JPH1: variants seen among roughly 807,000 people sequenced by gnomAD.
JPH1 encodes junctophilin-1.
JPH1 carries 12 observed loss-of-function variants against 53.6 expected under a neutral mutation model. The observed-to-expected ratio is 0.22, with a 90% CI of 0.14 to 0.36. The LOEUF (loss-of-function observed/expected upper bound fraction) is 0.36. Among genes scored for constraint, JPH1 ranks in the 10% least tolerant of loss-of-function variants. The pLI, the probability that JPH1 is intolerant of heterozygous loss-of-function variation, is 1.00. For missense variants in JPH1, 808 were observed against 905.5 expected (o/e 0.89, Z 1.38); for synonymous variants, 375 against 363.8 (o/e 1.03, Z -0.35).
Position 74,320,673 on chromosome 8 carries a change from G to A in JPH1, c.379+236C>T, listed in dbSNP as rs1337837641. ...GTACATTCACGCCTAGCTCCCCTGA[G>A]TGTGGATACACGGCCCGCTCCAAGA... On this transcript the variant is annotated intron_variant, in intron 1 of 5. Transcript: ENST00000342232. The surrounding 1 kb of genome is among the most constrained non-coding windows in gnomAD (Gnocchi z 4.4). Among the ~76,000 whole-genome samples, 1 of 152,180 alleles carries A rather than the reference G, an allele frequency of 6.6e-6. No homozygotes were observed. Among genetic ancestry groups the A allele is most frequent in the Non-Finnish European group, 1.5e-5 (1 of 68,020 alleles).
At position 74,245,032 on chromosome 8, in the gene JPH1, C is replaced by T; in HGVS notation, c.1402G>A (p.Ala468Thr). 1.2e-6 allele frequency: 2 copies of T among 1,613,846 alleles called. No homozygotes were observed. Among genetic ancestry groups the T allele is most frequent in the Non-Finnish European group, 1.7e-6 (2 of 1,179,972 alleles). The change falls in exon 4 of 6, where the codon GCA (alanine) becomes ACA (threonine). Residue 468 changes from alanine (A) to threonine (T), a missense_variant. Ala to Thr is a moderately conservative substitution (Grantham distance 58). Around this residue, in one of 2 missense-constraint regions of JPH1, gnomAD observed 756 missense variants for 811.9 expected, o/e 0.93. Transcript: ENST00000342232. The stretch of plus-strand genomic sequence containing the variant: ...GGAGAGTGGCTGTGTTTGGGACTTG[C>T]CTCAGGAGATCTTGGGGGTGTCGTG... ...KGTTPPRSPE[A>T]SPKHSHSPAS...
rs79604758 is a variant in JPH1 at position 74,269,248 on chromosome 8, G to A, written c.1140-9745C>T. On this transcript the variant is annotated intron_variant, in intron 2 of 5. Coordinates refer to ENST00000342232, the MANE Select transcript of JPH1 (RefSeq NM_020647.4). ...TATGAACATGAACTTGCTTGGGACT[G>A]TGCCCAAAACCATTGCGCATCTTAA... Among the ~76,000 whole-genome samples, 800 of 152,326 alleles carry A rather than the reference G, an allele frequency of 5.3e-3. 6 individuals are homozygous for A. Among genetic ancestry groups the A allele is most frequent in the Non-Finnish European group, 9.5e-3 (644 of 68,030 alleles).
At chr8:74,292,587 C>T (rs1211027837) in intron 2 of JPH1, among the ~76,000 whole-genome samples, 1 of 152,158 alleles carries the variant, frequency 6.6e-6, no homozygotes, top group Non-Finnish European at 1.5e-5. Context: ...AACAGACACA[C>T]TTACAAACGG....
rs764956170 is a variant in JPH1, at chr8:74,321,282, C to T, written c.6G>A (p.Thr2=). Residue 2 remains threonine, a synonymous_variant, in exon 1 of 6, where the codon ACG becomes ACA. Coordinates refer to ENST00000342232, the MANE Select transcript of JPH1 (RefSeq NM_020647.4). This position sits in a 1 kb window ranked among gnomAD's most constrained non-coding sequence, Gnocchi z 4.3. M[T]GGRFDFDDGG... is the part of the protein sequence containing the mutation. ...CATCGTCGAAGTCGAACCTTCCGCC[C>T]GTCATTCGGGGGGCAGCCCCGGCGC... The T allele has an allele frequency of 1.3e-6, 2 of 1,573,598 alleles. No individual in the cohort carries two copies. The highest frequency in any genetic ancestry group is 1.8e-5 in the Admixed American group (1 of 56,114).
intron 2 of JPH1, among the ~76,000 whole-genome samples, chr8:74,265,521 T>C (rs1167173074): frequency 6.6e-6 from 1 of 152,234 alleles, no homozygotes; most frequent in Non-Finnish European, 1.5e-5. Context: ...CCTTCTCATG[T>C]TATTTATGGG....
At chr8:74,308,971 T>TTTTTA (rs1390926795) in intron 2 of JPH1, among the ~76,000 whole-genome samples, 4 of 152,240 alleles carry the variant, frequency 2.6e-5, no homozygotes, top group Admixed American at 6.5e-5. Flanking sequence ...TTTAAAATCC[T>TTTTTA]ACAGGAAAAG....
chr8:74,273,383 T>C (rs1304280219), intron 2 of JPH1, among the ~76,000 whole-genome samples: 1 of 152,194 alleles, frequency 6.6e-6, no homozygotes, highest in Non-Finnish European at 1.5e-5. Flanking sequence ...TTAACTGAAT[T>C]CTTCTTATCC....
In JPH1 at chr8:74,321,283, G is replaced by C; in HGVS notation, c.5C>G (p.Thr2Arg). MTGGRFDFDDGG... is the reference protein window; with the variant it reads MRGGRFDFDDGG... ...ATCGTCGAAGTCGAACCTTCCGCCC[G>C]TCATTCGGGGGGCAGCCCCGGCGCG... Residue 2 changes from threonine to arginine, a missense_variant, in exon 1 of 6, where the codon ACG becomes AGG. By Grantham distance (71) the Thr-to-Arg change is moderately conservative (BLOSUM62 -1). This residue lies in a region of JPH1 where 52 missense variants were observed against 93.6 expected (regional missense o/e 0.56). Transcript: ENST00000342232. The surrounding 1 kb of genome is among the most constrained non-coding windows in gnomAD (Gnocchi z 4.3). The C allele has an allele frequency of 6.4e-7, 1 of 1,570,860 alleles. No homozygotes were observed. The highest frequency in any genetic ancestry group is 8.6e-7 in the Non-Finnish European group (1 of 1,158,460).
At chr8:74,314,577 A>G (rs142247243) in intron 2 of JPH1, among the ~76,000 whole-genome samples, 1 of 152,348 alleles carries the variant, frequency 6.6e-6, no homozygotes, top group East Asian at 1.9e-4. Context: ...AGATGAGCAC[A>G]GGGTCTCAGT....
intron 2 of JPH1, among the ~76,000 whole-genome samples, chr8:74,305,998 GT>G (rs369752719): frequency 1.3e-5 from 2 of 150,844 alleles, no homozygotes; most frequent in Non-Finnish European, 2.9e-5. Context: ...TGGAGAAAGA[GT>G]TTTTTTTGTT....
intron 2 of JPH1, among the ~76,000 whole-genome samples, chr8:74,311,178 G>C (rs1363487216): frequency 6.6e-6 from 1 of 152,214 alleles, no homozygotes; most frequent in East Asian, 1.9e-4. Context: ...CTGAATAGTT[G>C]ATAACTATTC....
At chr8:74,297,583 A>C (rs1563416110) in intron 2 of JPH1, among the ~76,000 whole-genome samples, 1 of 152,166 alleles carries the variant, frequency 6.6e-6, no homozygotes, top group Non-Finnish European at 1.5e-5. Flanking sequence ...ACAGCCCCAG[A>C]CCACTGCATT....
chr8:74,307,953 G>T (rs1807886443), intron 2 of JPH1, among the ~76,000 whole-genome samples: 1 of 152,146 alleles, frequency 6.6e-6, no homozygotes, highest in Admixed American at 6.5e-5. Context: ...TTGACTCATA[G>T]TTGACTTTGG....
At chr8:74,285,534 T>C (rs67460729) in intron 2 of JPH1, among the ~76,000 whole-genome samples, 67,433 of 151,850 alleles carry the variant, frequency 0.44, 16,553 homozygotes, top group African/African-American at 0.67. Flanking sequence ...GCTTTAAAAA[T>C]CAATATTTCC....
intron 1 of JPH1, among the ~76,000 whole-genome samples, chr8:74,319,872 C>A (rs916027204): frequency 1.3e-5 from 2 of 152,200 alleles, no homozygotes; most frequent in African/African-American, 4.8e-5. Flanking sequence ...TCTTTCTCAG[C>A]GTATTACACA....
chr8:74,287,406 C>T (rs555606579), intron 2 of JPH1, among the ~76,000 whole-genome samples: 2 of 148,782 alleles, frequency 1.3e-5, no homozygotes, highest in African/African-American at 5.0e-5. Context: ...GGCAACAGAG[C>T]GAGACTCTGT....
intron 2 of JPH1, among the ~76,000 whole-genome samples, chr8:74,296,715 A>T (rs1324470480): frequency 1.3e-5 from 2 of 152,186 alleles, no homozygotes; most frequent in East Asian, 1.9e-4. Context: ...TCTACCAAGA[A>T]ATCCCTCTTC....
chr8:74,317,718 T>C (rs949682926), intron 1 of JPH1, among the ~76,000 whole-genome samples: 4 of 152,222 alleles, frequency 2.6e-5, no homozygotes, highest in Non-Finnish European at 4.4e-5. Context: ...TTTGCAGAGA[T>C]GCTGTTTGAT....
At chr8:74,270,534 T>C (rs957754859) in intron 2 of JPH1, among the ~76,000 whole-genome samples, 2 of 152,188 alleles carry the variant, frequency 1.3e-5, no homozygotes, top group Non-Finnish European at 2.9e-5. Flanking sequence ...TCGTTTCTGT[T>C]TAGTACCCTT....
Sources: allele counts gnomAD v4.1 joint callset (sites outside exome capture counted in the v4.1 genomes callset), GRCh38; gene constraint gnomAD v4.1.1; regional missense constraint gnomAD v4.1.1; non-coding constraint Gnocchi (gnomAD v3.1); transcripts MANE v1.5; gene names NCBI Gene and HGNC (gene_info 2026-07-23, HGNC 2026-07-21).